TMEM201: variants seen among roughly 807,000 people sequenced by gnomAD.
The protein encoded by TMEM201 is transmembrane protein 201, also known as RP13-15M17.2.
In TMEM201, 26 loss-of-function variants were observed where a neutral mutation model predicts 63.4. That is an observed-to-expected ratio of 0.41 (90% confidence interval 0.30 to 0.57). TMEM201 has a LOEUF of 0.57. TMEM201 is among the 20% of genes least tolerant of loss of function. The pLI is 0.29. For synonymous variants in TMEM201, 417 were observed against 421.6 expected (o/e 0.99, Z 0.14); for missense variants, 794 against 917.7 (o/e 0.87, Z 1.74).
intron 4 of TMEM201, among the ~76,000 whole-genome samples, chr1:9,599,840 C>T (rs879796417): frequency 4.6e-5 from 7 of 152,132 alleles, no homozygotes; most frequent in East Asian, 3.9e-4. Context: ...GCTCGTGATC[C>T]GCCCGCCTCA....
chr1:9,597,242 G>A (rs530475259), intron 3 of TMEM201, among the ~76,000 whole-genome samples, 189 bp downstream of exon 3: 2 of 152,394 alleles, frequency 1.3e-5, no homozygotes, highest in South Asian at 4.1e-4. Flanking sequence ...TCCAGGATGT[G>A]TTAGTTCTTC....
At chr1:9,595,179 G>A (rs1643994510) in intron 1 of TMEM201, among the ~76,000 whole-genome samples, 1 of 152,202 alleles carries the variant, frequency 6.6e-6, no homozygotes, top group South Asian at 2.1e-4. Flanking sequence ...AACCAATGAG[G>A]TGGGTAGAGG....
In TMEM201 at chr1:9,601,075, C is replaced by T. The variant is rs780737261; in HGVS notation, c.607-30C>T. On this transcript the variant is annotated intron_variant, in intron 4 of 10. Transcript: ENST00000340381. ...GCTGGGGGTGGCTCTGTGGCCGTCT[C>T]ACTAACCCGCCTCTCTTCCTCCTTT... 7.1e-6 allele frequency: 11 copies of T among 1,555,164 alleles called. No homozygotes were observed. In the African/African-American group the frequency reaches 1.3e-4, roughly 19 times the overall value.
chr1:9,610,745 A>T lies in TMEM201; in HGVS notation c.1705A>T (p.Thr569Ser). 1 of 1,549,808 alleles carries T rather than the reference A, an allele frequency of 6.5e-7. No homozygotes were observed. The highest frequency in any genetic ancestry group is 8.7e-7 in the Non-Finnish European group (1 of 1,146,424). ...CTCGCCTCACAACGGCAGCCTCTTCACCATGGAGCCGCCCCATGTTCCCCG... is the reference window on the plus strand; with the variant it reads ...CTCGCCTCACAACGGCAGCCTCTTCTCCATGGAGCCGCCCCATGTTCCCCG... ...EHSPHNGSLFTMEPPHVPRKP... is the reference protein window; with the variant it reads ...EHSPHNGSLFSMEPPHVPRKP... The change falls in exon 9 of 11, where the codon ACC becomes TCC. Residue 569 changes from threonine to serine, a missense_variant. Transcript: ENST00000340381. This position sits in a 1 kb window ranked among gnomAD's most constrained non-coding sequence, Gnocchi z 4.9.
In TMEM201 at chr1:9,613,159, T is replaced by C; in HGVS notation, c.*76T>C. ...CCACTGCCGGCCTCAGGACCCTCCC[T>C]GGAGGGGCTGCCACCTCTGCCCTCA... On this transcript the variant is annotated 3_prime_UTR_variant, in exon 11 of 11. Transcript: ENST00000340381. 2 of 1,416,716 alleles carry C rather than the reference T, an allele frequency of 1.4e-6. No homozygotes were observed. The highest frequency in any genetic ancestry group is 1.8e-4 in the Middle Eastern group (1 of 5,446). The allele number at this position is 1,416,716 out of a possible 1,614,324, so 87.8% of individuals were successfully genotyped here.
At chr1:9,612,732 C>T (rs1233327029) in intron 10 of TMEM201, among the ~76,000 whole-genome samples, 1 of 152,230 alleles carries the variant, frequency 6.6e-6, no homozygotes, top group East Asian at 1.9e-4. Flanking sequence ...CAGCTCATGA[C>T]AGCCCAGCCC....
chr1:9,610,884 G>T lies in TMEM201; in HGVS notation c.1765+79G>T. 2 of 1,486,996 alleles carry T rather than the reference G, an allele frequency of 1.3e-6. No homozygotes were observed. Among genetic ancestry groups the T allele is most frequent in the Non-Finnish European group, 1.8e-6 (2 of 1,114,022 alleles). 92.1% of individuals were successfully genotyped at this position (1,486,996 alleles called of 1,614,324 possible). A position where few individuals can be genotyped will look rare whatever the true frequency, so the allele number is the denominator to read the frequency against. Reference sequence around the variant, plus strand: ...GGCCTGGCTGTGCGGCGGTGGGGGGGCTCATCCTTGCTCTGACTCCGGTGT... The same window carrying T: ...GGCCTGGCTGTGCGGCGGTGGGGGGTCTCATCCTTGCTCTGACTCCGGTGT... On this transcript the variant is annotated intron_variant, in intron 9 of 10. Coordinates refer to ENST00000340381, the MANE Select transcript of TMEM201 (RefSeq NM_001130924.3). The surrounding 1 kb of genome is among the most constrained non-coding windows in gnomAD (Gnocchi z 4.9).
rs751702789 is a variant in TMEM201 at position 9,608,736 on chromosome 1, C to G, written c.1393+947C>G. 1.3e-5 allele frequency among the ~76,000 whole-genome samples: 2 copies of G among 152,200 alleles called. No homozygotes were observed. Among genetic ancestry groups the G allele is most frequent in the Non-Finnish European group, 2.9e-5 (2 of 68,020 alleles). ...TGGCAATCCCAGGGCCAGTTCAGGC[C>G]TCCAAGGCAGGGGCTCCTGCCCACA... On this transcript the variant is annotated intron_variant, in intron 7 of 10. Transcript: ENST00000340381. This position sits in a 1 kb window ranked among gnomAD's most constrained non-coding sequence, Gnocchi z 4.3.
chr1:9,611,672 A>G (rs1644325904), intron 9 of TMEM201, 81 bp from the exon 10 acceptor site: 1 of 1,527,936 alleles, frequency 6.5e-7, no homozygotes, highest in South Asian at 1.2e-5. Flanking sequence ...AACTGTCCTT[A>G]GAGTGGAAGT....
Position 9,610,029 on chromosome 1 carries a change from C to T in TMEM201, c.1465+118C>T, listed in dbSNP as rs1011424528. On this transcript the variant is annotated intron_variant, in intron 8 of 10. Transcript: ENST00000340381. The surrounding 1 kb of genome is among the most constrained non-coding windows in gnomAD (Gnocchi z 4.9). ...AGACCCCAAGTGTGTGTTCACATCT[C>T]AGCCCTGGGCAAGTGACCTACACAC... 1.1e-6 allele frequency: 1 copy of T among 944,490 alleles called. No individual in the cohort carries two copies. The highest frequency in any genetic ancestry group is 3.1e-4 in the Middle Eastern group (1 of 3,222). 58.5% of individuals were successfully genotyped at this position (944,490 alleles called of 1,614,324 possible).
intron 10 of TMEM201, 137 bp from the exon 11 acceptor site, chr1:9,612,849 G>T: frequency 1.4e-6 from 1 of 699,960 alleles, no homozygotes. Flanking sequence ...AGAATTGGGG[G>T]TGAGCCTCAC....
chr1:9,595,944 G>C lies in TMEM201; in HGVS notation c.168G>C (p.Leu56=). ...VNCWFCNQDT[L]VPYGNRNCWD... Reference sequence around the variant, plus strand: ...GCTGGTTCTGCAACCAGGATACGCTGGTGCCCTATGGGAACCGCAACTGCT... The same window carrying C: ...GCTGGTTCTGCAACCAGGATACGCTCGTGCCCTATGGGAACCGCAACTGCT... Residue 56 remains leucine (L), a synonymous_variant, in exon 2 of 11, where the codon CTG becomes CTC. Transcript: ENST00000340381. 6.2e-7 allele frequency: 1 copy of C among 1,613,696 alleles called. No homozygotes were observed. Among genetic ancestry groups the C allele is most frequent in the Non-Finnish European group, 8.5e-7 (1 of 1,180,010 alleles).
rs957986726 is a variant in TMEM201 at position 9,603,156 on chromosome 1, G to C, written c.1160+884G>C. 46 of 985,466 alleles carry C rather than the reference G, an allele frequency of 4.7e-5. 1 individual carries two copies. The allele number at this position is 985,466 out of a possible 1,614,324, so 61.0% of individuals were successfully genotyped here. A position where few individuals can be genotyped will look rare whatever the true frequency, so the allele number is the denominator to read the frequency against. On this transcript the variant is annotated intron_variant, in intron 6 of 10. Coordinates refer to ENST00000340381, the MANE Select transcript of TMEM201 (RefSeq NM_001130924.3). This position sits in a 1 kb window ranked among gnomAD's most constrained non-coding sequence, Gnocchi z 4.5. ...CTGTCACGAGCCTCTGCAGGTGCCTGCTCACCATGGCCCAGCGCCACTCTG... is the reference window on the plus strand; with the variant it reads ...CTGTCACGAGCCTCTGCAGGTGCCTCCTCACCATGGCCCAGCGCCACTCTG...
chr1:9,602,283 C>T lies in TMEM201; in HGVS notation c.1160+11C>T, dbSNP rs1251915721. ...GTTCCGGCCCCGAAGGTCAGAGAAG[C>T]AGCCATGACTGCGGGGGGAGGACAC... On this transcript the variant is annotated intron_variant, in intron 6 of 10. Transcript: ENST00000340381. 2 of 1,610,638 alleles carry T rather than the reference C, an allele frequency of 1.2e-6. No homozygotes were observed.
In TMEM201 at chr1:9,607,945, A is replaced by C. The variant is rs942838308; in HGVS notation, c.1393+156A>C. On this transcript the variant is annotated intron_variant, in intron 7 of 10. Coordinates refer to ENST00000340381, the MANE Select transcript of TMEM201 (RefSeq NM_001130924.3). This position sits in a 1 kb window ranked among gnomAD's most constrained non-coding sequence, Gnocchi z 5.4. ...CTTTGAGCCTCAGTTCCCCCCAAAG[A>C]AATGGGGCTAGCTAGGAATAGGTGG... 1.3e-5 allele frequency among the ~76,000 whole-genome samples: 2 copies of C among 152,170 alleles called. No homozygotes were observed. Among genetic ancestry groups the C allele is most frequent in the African/African-American group, 4.8e-5 (2 of 41,434 alleles).
chr1:9,607,871 AG>A lies in TMEM201; in HGVS notation c.1393+85del. ...CTGTGGATGGGTACATAGTGTAGGG[AG>A]GGCCGGGAGTGGTTAGTGTTCCTGC... On this transcript the variant is annotated intron_variant, in intron 7 of 10. Coordinates refer to ENST00000340381, the MANE Select transcript of TMEM201 (RefSeq NM_001130924.3). This position sits in a 1 kb window ranked among gnomAD's most constrained non-coding sequence, Gnocchi z 5.4. The A allele has an allele frequency of 7.6e-7, 1 of 1,314,158 alleles. No homozygotes were observed. The allele number at this position is 1,314,158 out of a possible 1,614,324, so 81.4% of individuals were successfully genotyped here. A position where few individuals can be genotyped will look rare whatever the true frequency, so the allele number is the denominator to read the frequency against.
intron 4 of TMEM201, 74 bp from the exon 5 acceptor site, chr1:9,601,031 C>A: frequency 7.3e-7 from 1 of 1,369,540 alleles, no homozygotes; most frequent in Non-Finnish European, 1.0e-6. Flanking sequence ...GAACCCCGCA[C>A]AGACTGGCAC....
At position 9,607,292 on chromosome 1, in the gene TMEM201, AGTGGAGATAGTT is replaced by A. The variant is rs1385377722; in HGVS notation, c.1161-264_1161-253del. Among the ~76,000 whole-genome samples, 1 of 148,640 alleles carries A rather than the reference AGTGGAGATAGTT, an allele frequency of 6.7e-6. No homozygotes were observed. The highest frequency in any genetic ancestry group is 1.5e-5 in the Non-Finnish European group (1 of 67,236). ...GTGTCACTTTAATACCGAGACTCGTAGTGGAGATAGTTTGCTGTGAGCCGAGGGGGTAGGAGG... is the reference window on the plus strand; with the variant it reads ...GTGTCACTTTAATACCGAGACTCGTATGCTGTGAGCCGAGGGGGTAGGAGG... On this transcript the variant is annotated intron_variant, in intron 6 of 10. Coordinates refer to ENST00000340381, the MANE Select transcript of TMEM201 (RefSeq NM_001130924.3). The surrounding 1 kb of genome is among the most constrained non-coding windows in gnomAD (Gnocchi z 5.4).
chr1:9,598,703 G>A, intron 4 of TMEM201, 78 bp downstream of exon 4: 1 of 1,422,872 alleles, frequency 7.0e-7, no homozygotes, highest in Non-Finnish European at 9.7e-7. Flanking sequence ...CTGGGCACTA[G>A]TGACCAGAGG....
Sources: allele counts gnomAD v4.1 joint callset (sites outside exome capture counted in the v4.1 genomes callset), GRCh38; gene constraint gnomAD v4.1.1; non-coding constraint Gnocchi (gnomAD v3.1); transcripts MANE v1.5; gene names NCBI Gene and HGNC (gene_info 2026-07-23, HGNC 2026-07-21).